XDH: variants seen among roughly 807,000 people sequenced by gnomAD.
The protein encoded by XDH is xanthine dehydrogenase.
XDH carries 138 observed loss-of-function variants against 156.1 expected under a neutral mutation model. That is an observed-to-expected ratio of 0.88 (90% CI 0.77 to 1.02). XDH has a LOEUF of 1.02. Ranked by LOEUF, XDH falls within the 50% of genes least tolerant of loss-of-function variation. The pLI, the probability that XDH is intolerant of heterozygous loss-of-function variation, is 0.00. For synonymous variants in XDH, 669 were observed against 625.7 expected (o/e 1.07, Z -1.03); for missense variants, 1,849 against 1,684.9 (o/e 1.10, Z -1.71).
At chr2:31,413,464 A>G (rs1446881316) in intron 1 of XDH, among the ~76,000 whole-genome samples, 1 of 152,186 alleles carries the variant, frequency 6.6e-6, no homozygotes, top group Non-Finnish European at 1.5e-5. Flanking sequence ...CACTTCCCAA[A>G]GGCACCACTC....
At chr2:31,361,093 T>C (rs1685764932) in intron 24 of XDH, among the ~76,000 whole-genome samples, 2 of 152,246 alleles carry the variant, frequency 1.3e-5, no homozygotes, top group South Asian at 4.1e-4. Context: ...TAGTAACAAG[T>C]AAAGACTTCA....
intron 25 of XDH, 94 bp downstream of exon 25, chr2:31,349,938 A>G: frequency 6.2e-6 from 10 of 1,611,606 alleles, no homozygotes; most frequent in Non-Finnish European, 8.5e-6. Flanking sequence ...CCTGCCTGTC[A>G]TCTGCCCCCA....
intron 1 of XDH, among the ~76,000 whole-genome samples, chr2:31,410,267 T>A (rs1183384846): frequency 1.3e-5 from 2 of 152,138 alleles, no homozygotes; most frequent in Non-Finnish European, 2.9e-5. Context: ...GAGTTTGTCT[T>A]AAAAGATGAA....
chr2:31,403,815 TC>T (rs1365510599), intron 2 of XDH, among the ~76,000 whole-genome samples: 2 of 152,144 alleles, frequency 1.3e-5, no homozygotes, highest in East Asian at 3.9e-4. Flanking sequence ...GGTAAGCTAT[TC>T]TAGAGAACAG....
chr2:31,380,639 G>A (rs1686412383), intron 12 of XDH, among the ~76,000 whole-genome samples: 1 of 152,224 alleles, frequency 6.6e-6, no homozygotes, highest in Non-Finnish European at 1.5e-5. Context: ...TGGCTCCACT[G>A]GGAGAAGTCT....
rs199624952 is a variant in XDH, at chr2:31,350,210, G to C, written c.2645C>G (p.Ala882Gly). The C allele has an allele frequency of 2.5e-6, 4 of 1,614,104 alleles. No homozygotes were observed. Among genetic ancestry groups the C allele is most frequent in the Non-Finnish European group, 3.4e-6 (4 of 1,180,020 alleles). ...QDLSQSIMER[A>G]LFHMDNCYKI... ...ATAGCAGTTGTCCATGTGGAATAAA[G>C]CTCGTTCCATAATCTGAAGCAGAGG... Residue 882 changes from alanine to glycine, a missense_variant, in exon 25 of 36, where the codon GCT (alanine) becomes GGT (glycine). By Grantham distance (60) the Ala-to-Gly change is moderately conservative (BLOSUM62 0). Transcript: ENST00000379416.
chr2:31,375,329 A>G lies in XDH; in HGVS notation c.1602+51T>C, dbSNP rs761226227. On this transcript the variant is annotated intron_variant, in intron 15 of 35. Coordinates refer to ENST00000379416, the MANE Select transcript of XDH (RefSeq NM_000379.4). ...AATTTACTACCCAGACCAACTTCTTATATCCCCAAACATGCTACAGAGAGC... is the reference window on the plus strand; with the variant it reads ...AATTTACTACCCAGACCAACTTCTTGTATCCCCAAACATGCTACAGAGAGC... 5 of 1,613,064 alleles carry G rather than the reference A, an allele frequency of 3.1e-6. No homozygotes were observed. In the South Asian group the frequency reaches 5.5e-5, roughly 18 times the overall value.
intron 15 of XDH, 37 bp from the exon 16 acceptor site, chr2:31,373,993 A>G: frequency 6.3e-7 from 1 of 1,590,538 alleles, no homozygotes; most frequent in Non-Finnish European, 8.6e-7. Flanking sequence ...CCAGGATTAT[A>G]TTTCAATCAC....
In XDH at chr2:31,381,715, C is replaced by A. The variant is rs772619207; in HGVS notation, c.1050G>T (p.Gly350=). ...AGATGGGGCTGGCAGTGATGATGTTCCCTCCAACGGACTAAAACAAGCAGA... is the reference window on the plus strand; with the variant it reads ...AGATGGGGCTGGCAGTGATGATGTTACCTCCAACGGACTAAAACAAGCAGA... ...KQVKSVASVG[G]NIITASPISD... The change falls in exon 12 of 36, where the codon GGG becomes GGT. Residue 350 remains glycine, a synonymous_variant. Coordinates refer to ENST00000379416, the MANE Select transcript of XDH (RefSeq NM_000379.4). 3 of 1,613,308 alleles carry A rather than the reference C, an allele frequency of 1.9e-6. No homozygotes were observed. The highest frequency in any genetic ancestry group is 1.6e-4 in the Middle Eastern group (1 of 6,082).
chr2:31,409,841 A>G (rs897053761), intron 1 of XDH, among the ~76,000 whole-genome samples: 3 of 152,170 alleles, frequency 2.0e-5, no homozygotes, highest in African/African-American at 7.2e-5. Flanking sequence ...ACAGTTCCAC[A>G]AAAAAGTAAA....
At chr2:31,390,914 T>C (rs1686743239) in intron 6 of XDH, among the ~76,000 whole-genome samples, 1 of 152,230 alleles carries the variant, frequency 6.6e-6, no homozygotes, top group Admixed American at 6.5e-5. Context: ...CTTTACAAGA[T>C]GTGTCTTTTG....
At chr2:31,401,592 G>A (rs1434765791) in intron 3 of XDH, among the ~76,000 whole-genome samples, 1 of 152,186 alleles carries the variant, frequency 6.6e-6, no homozygotes, top group Non-Finnish European at 1.5e-5. Flanking sequence ...CTCTGAGCAG[G>A]AGCAACGGAG....
intron 24 of XDH, among the ~76,000 whole-genome samples, chr2:31,357,400 C>T (rs765783811): frequency 6.6e-6 from 1 of 152,202 alleles, no homozygotes; most frequent in African/African-American, 2.4e-5. Flanking sequence ...GATTGAAACA[C>T]GGGCTATCAC....
chr2:31,410,813 T>A (rs761072875), intron 1 of XDH, among the ~76,000 whole-genome samples: 62 of 152,206 alleles, frequency 4.1e-4, no homozygotes, highest in Non-Finnish European at 7.2e-4. Flanking sequence ...TGTTCTAGAT[T>A]AGAGGAGACT....
rs760096702 is a variant in XDH, at chr2:31,346,793, ATTC to A, written c.3324_3326del (p.Lys1108del). The A allele has an allele frequency of 4.3e-6, 7 of 1,613,902 alleles. No individual in the cohort carries two copies. The African/African-American group carries it at 5.3e-5, about 12-fold the overall frequency. The stretch of plus-strand genomic sequence containing the variant: ...CCCAGTCTTCCCAGGAGCCACTGGG[ATTC>A]TTCTTCTTGTAGGGTTCCAGCCTTT... On this transcript the variant is annotated inframe_deletion, in exon 30 of 36. Coordinates refer to ENST00000379416, the MANE Select transcript of XDH (RefSeq NM_000379.4).
At chr2:31,398,468 C>A in intron 5 of XDH, 105 bp downstream of exon 5, 2 of 1,590,188 alleles carry the variant, frequency 1.3e-6, no homozygotes, top group South Asian at 2.2e-5. Context: ...CTGAGCCCTT[C>A]CTCCAAAGGG....
chr2:31,391,742 G>A (rs1209620427), intron 6 of XDH, among the ~76,000 whole-genome samples: 1 of 152,146 alleles, frequency 6.6e-6, no homozygotes, highest in Non-Finnish European at 1.5e-5. Context: ...TATTACATTT[G>A]TTGGAGAGTA....
At chr2:31,377,309 C>G in intron 13 of XDH, 72 bp from the exon 14 acceptor site, 2 of 1,571,682 alleles carry the variant, frequency 1.3e-6, no homozygotes, top group African/African-American at 2.7e-5. Flanking sequence ...ACCCAAACCA[C>G]AGGGCTATGA....
intron 6 of XDH, among the ~76,000 whole-genome samples, chr2:31,392,714 T>A (rs961052890): frequency 3.9e-5 from 6 of 152,198 alleles, no homozygotes; most frequent in African/African-American, 7.2e-5. Flanking sequence ...TGAGCCGTCG[T>A]GCCTGGTGGA....
Sources: allele counts gnomAD v4.1 joint callset (sites outside exome capture counted in the v4.1 genomes callset), GRCh38; gene constraint gnomAD v4.1.1; transcripts MANE v1.5; gene names NCBI Gene and HGNC (gene_info 2026-07-23, HGNC 2026-07-21).